Variants in LRP1B observed in about 807,000 individuals in gnomAD.
The protein encoded by LRP1B is LDL receptor related protein 1B.
LRP1B carries 217 observed loss-of-function variants against 556.6 expected under a neutral mutation model. The observed-to-expected ratio is 0.39, with a 90% CI of 0.35 to 0.44. The LOEUF (loss-of-function observed/expected upper bound fraction) is 0.44, where lower values mean the gene tolerates loss of function less well. Among genes scored for constraint, LRP1B ranks in the 20% least tolerant of loss-of-function variants. The pLI is 1.00. For missense variants in LRP1B, 5,053 were observed against 5,620.8 expected (o/e 0.90, Z 3.23); for synonymous variants, 2,047 against 1,865.8 (o/e 1.10, Z -2.50).
At chr2:140,964,214 T>C (rs1696126921) in intron 18 of LRP1B, among the ~76,000 whole-genome samples, 1 of 152,130 alleles carries the variant, frequency 6.6e-6, no homozygotes, top group South Asian at 2.1e-4. Flanking sequence ...GTATTTTCAC[T>C]AATTTACTAC....
At chr2:141,686,464 T>A (rs1691307144) in intron 2 of LRP1B, among the ~76,000 whole-genome samples, 1 of 152,006 alleles carries the variant, frequency 6.6e-6, no homozygotes, top group African/African-American at 2.4e-5. Flanking sequence ...TTACAGTACA[T>A]ATATTATTAT....
chr2:140,495,909 T>C (rs1350506325), intron 55 of LRP1B, among the ~76,000 whole-genome samples, 161 bp from the exon 56 acceptor site: 1 of 152,188 alleles, frequency 6.6e-6, no homozygotes, highest in Non-Finnish European at 1.5e-5. Context: ...ATGTATATTA[T>C]GTAAAGTTAG....
At chr2:141,462,821 T>TTTTG (rs5834829) in intron 3 of LRP1B, among the ~76,000 whole-genome samples, 145,958 of 152,028 alleles carry the variant, frequency 0.96, 70,360 homozygotes, top group East Asian at 1. Flanking sequence ...CAATAAAATA[T>TTTTG]TTTAATTGAA....
In LRP1B at chr2:141,585,016, C is replaced by A. The variant is rs537101654; in HGVS notation, c.206-104483G>T. On this transcript the variant is annotated intron_variant, in intron 2 of 90. Transcript: ENST00000389484. ...ATATTTAACACTACTGAACTATACA[C>A]CTAAAAATGGCTAAAATGGTAAATT... Among the ~76,000 whole-genome samples, 3 of 152,000 alleles carry A rather than the reference C, an allele frequency of 2.0e-5. No homozygotes were observed. In the South Asian group the frequency reaches 6.2e-4, roughly 32 times the overall value.
rs59469282 is a variant in LRP1B, at chr2:140,872,360, A to ATTTTTTTTTTTTTT, written c.4170-4111_4170-4098dup. 2.4e-3 allele frequency among the ~76,000 whole-genome samples: 146 copies of ATTTTTTTTTTTTTT among 60,484 alleles called. 10 individuals carry two copies. Among genetic ancestry groups the ATTTTTTTTTTTTTT allele is most frequent in the Non-Finnish European group, 3.3e-3 (109 of 33,528 alleles). The allele number at this position is 60,484 out of a possible 152,430, so 39.7% of individuals were successfully genotyped here. A position where few individuals can be genotyped will look rare whatever the true frequency, so the allele number is the denominator to read the frequency against. Reference sequence around the variant, plus strand: ...GCTTGCTTTTGTATTGTGTCACCTGATTTTTTTTTTTTTTTTTTTTTTTTT... The same window carrying ATTTTTTTTTTTTTT: ...GCTTGCTTTTGTATTGTGTCACCTGATTTTTTTTTTTTTTTTTTTTTTTTTTTTTTTTTTTTTTT... On this transcript the variant is annotated intron_variant, in intron 25 of 90. Transcript: ENST00000389484.
intron 3 of LRP1B, among the ~76,000 whole-genome samples, chr2:141,303,260 C>T (rs956398452): frequency 6.6e-6 from 1 of 151,962 alleles, no homozygotes; most frequent in Non-Finnish European, 1.5e-5. Context: ...ACCTTGAGTA[C>T]CTATCATTTC....
At position 140,536,716 on chromosome 2, in the gene LRP1B, GAAA is replaced by G. The variant is rs748331070; in HGVS notation, c.7514-10_7514-8del. ...TTGCAGGAGGAATTTTTAGCTGCAA[GAAA>G]AAAAAAAAAAGTCAATACTTTTGTG... On this transcript the variant is annotated splice_region_variant and splice_polypyrimidine_tract_variant and intron_variant, in intron 45 of 90. Coordinates refer to ENST00000389484, the MANE Select transcript of LRP1B (RefSeq NM_018557.3). 177 of 1,251,266 alleles carry G rather than the reference GAAA, an allele frequency of 1.4e-4. No homozygotes were observed. The highest frequency in any genetic ancestry group is 2.6e-4 in the Admixed American group (10 of 38,930). 77.5% of individuals were successfully genotyped at this position (1,251,266 alleles called of 1,614,324 possible).
chr2:140,686,574 GA>G (rs944364552), intron 41 of LRP1B, among the ~76,000 whole-genome samples: 21 of 152,058 alleles, frequency 1.4e-4, no homozygotes, highest in African/African-American at 4.3e-4. Flanking sequence ...TTTTATTGAT[GA>G]AAATAGGAGG....
chr2:141,296,348 T>G (rs1340819338), intron 3 of LRP1B, among the ~76,000 whole-genome samples: 3 of 152,164 alleles, frequency 2.0e-5, no homozygotes, highest in African/African-American at 7.2e-5. Context: ...AGATAAGTAT[T>G]TTCATGATTT....
At chr2:141,637,395 T>C (rs1689140381) in intron 2 of LRP1B, among the ~76,000 whole-genome samples, 1 of 152,152 alleles carries the variant, frequency 6.6e-6, no homozygotes, top group South Asian at 2.1e-4. Flanking sequence ...TACTTATTAT[T>C]CTAGGGGAAG....
At chr2:142,072,703 T>C (rs530890583) in intron 1 of LRP1B, among the ~76,000 whole-genome samples, 3 of 152,140 alleles carry the variant, frequency 2.0e-5, no homozygotes, top group African/African-American at 2.4e-5. Context: ...TGAACACCCC[T>C]GACTTAAATG....
rs529544504 is a variant in LRP1B, at chr2:140,442,038, A to G, written c.10414+466T>C. ...CTGACTGAAATGATCACTGTCATCT[A>G]CTAATATGGAACAGATGCTTTTTAT... On this transcript the variant is annotated intron_variant, in intron 66 of 90. Transcript: ENST00000389484. Among the ~76,000 whole-genome samples the G allele has an allele frequency of 1.3e-4, 20 of 152,302 alleles. No homozygotes were observed. In the South Asian group the frequency reaches 3.3e-3, roughly 25 times the overall value.
chr2:141,629,598 C>T (rs902486150), intron 2 of LRP1B, among the ~76,000 whole-genome samples: 6 of 151,998 alleles, frequency 3.9e-5, no homozygotes, highest in African/African-American at 1.2e-4. Flanking sequence ...TTTAAATATC[C>T]ATTCTGAGTG....
chr2:141,626,999 TG>T (rs1688724134), intron 2 of LRP1B, among the ~76,000 whole-genome samples: 1 of 152,186 alleles, frequency 6.6e-6, no homozygotes, highest in Admixed American at 6.5e-5. Flanking sequence ...TAAACAAAAA[TG>T]TTTATCTCAG....
chr2:140,640,016 T>TG (rs1684219508), intron 41 of LRP1B, among the ~76,000 whole-genome samples: 1 of 152,182 alleles, frequency 6.6e-6, no homozygotes, highest in Non-Finnish European at 1.5e-5. Flanking sequence ...TTTGTTTGTT[T>TG]TTTTAAGACA....
intron 1 of LRP1B, among the ~76,000 whole-genome samples, chr2:142,068,100 T>G (rs925657779): frequency 1.3e-5 from 2 of 151,420 alleles, no homozygotes; most frequent in Admixed American, 1.3e-4. Context: ...CGTGGGAAGA[T>G]TTTTAAACAT....
intron 2 of LRP1B, among the ~76,000 whole-genome samples, chr2:141,646,607 A>G (rs1689573715): frequency 6.6e-6 from 1 of 152,164 alleles, no homozygotes; most frequent in South Asian, 2.1e-4. Flanking sequence ...CAACCCACCA[A>G]GAAGTTTATA....
intron 21 of LRP1B, among the ~76,000 whole-genome samples, chr2:140,917,997 C>A (rs1273927334): frequency 6.6e-6 from 1 of 151,924 alleles, no homozygotes; most frequent in Non-Finnish European, 1.5e-5. Context: ...TGCTGTGAAC[C>A]TAAAATTTGT....
At chr2:140,687,057 T>C (rs1373564431) in intron 41 of LRP1B, among the ~76,000 whole-genome samples, 1 of 152,072 alleles carries the variant, frequency 6.6e-6, no homozygotes, top group East Asian at 1.9e-4. Context: ...AGATGTGATG[T>C]AAACAGATTT....
Sources: gnomAD v4.1 joint callset for allele counts (sites outside exome capture counted in the v4.1 genomes callset) on GRCh38, gnomAD v4.1.1 for gene constraint, MANE v1.5 for transcripts, NCBI Gene and HGNC (gene_info 2026-07-23, HGNC 2026-07-21) for gene names.